Variants in IMPA1 observed in about 807,000 individuals in gnomAD.
The protein encoded by IMPA1 is inositol monophosphatase 1.
Under a neutral mutation model 34.9 loss-of-function variants are expected in IMPA1, and 21 were observed. The ratio of observed to expected loss-of-function variants is 0.60; its 90% CI spans 0.43 to 0.87. IMPA1 has a LOEUF of 0.87. Among genes scored for constraint, IMPA1 ranks in the 40% least tolerant of loss-of-function variants. IMPA1 has a pLI of 0.00. For missense variants in IMPA1, 299 were observed against 336.4 expected (o/e 0.89, Z 0.87); for synonymous variants, 95 against 104.4 (o/e 0.91, Z 0.55).
chr8:81,672,207 A>G (rs530173866), intron 6 of IMPA1, among the ~76,000 whole-genome samples: 1 of 152,244 alleles, frequency 6.6e-6, no homozygotes, highest in Admixed American at 6.5e-5. Flanking sequence ...GCTGCACTGA[A>G]AAGAATTTCA....
chr8:81,684,661 A>C (rs1431579493), intron 1 of IMPA1, among the ~76,000 whole-genome samples: 3 of 141,702 alleles, frequency 2.1e-5, no homozygotes, highest in African/African-American at 5.2e-5. Context: ...TATATATACT[A>C]CACATAAGTA....
At chr8:81,665,335 G>A (rs745427651) in intron 7 of IMPA1, among the ~76,000 whole-genome samples, 2 of 152,026 alleles carry the variant, frequency 1.3e-5, no homozygotes, top group East Asian at 1.9e-4. Flanking sequence ...CTGAACTCAG[G>A]AAAGAAATGG....
chr8:81,661,366 A>C (rs879701884), intron 7 of IMPA1, among the ~76,000 whole-genome samples: 1 of 147,734 alleles, frequency 6.8e-6, no homozygotes, highest in Non-Finnish European at 1.5e-5. Context: ...TAGCATCTTT[A>C]CAATGGTCTA....
chr8:81,684,206 T>C (rs1281594542), intron 1 of IMPA1, among the ~76,000 whole-genome samples: 1 of 146,438 alleles, frequency 6.8e-6, no homozygotes, highest in Non-Finnish European at 1.5e-5. Flanking sequence ...ATATACTATA[T>C]ATTTAGATAC....
At chr8:81,680,219 T>A (rs1036486728) in intron 3 of IMPA1, among the ~76,000 whole-genome samples, 1 of 152,098 alleles carries the variant, frequency 6.6e-6, no homozygotes, top group South Asian at 2.1e-4. Context: ...GCGTGAGCTA[T>A]GCAGATACTT....
chr8:81,680,592 A>G, intron 3 of IMPA1, 58 bp downstream of exon 3: 1 of 1,338,488 alleles, frequency 7.5e-7, no homozygotes, highest in Non-Finnish European at 1.1e-6. Context: ...TCTCATATGC[A>G]GAACCCCAAG....
intron 4 of IMPA1, 102 bp from the exon 5 acceptor site, chr8:81,676,381 T>C (rs1032031176): frequency 3.6e-6 from 2 of 548,840 alleles, no homozygotes; most frequent in Non-Finnish European, 6.1e-6. Flanking sequence ...ATTTTTCCTA[T>C]AAAAAGTCTC....
chr8:81,680,684 T>A lies in IMPA1; in HGVS notation c.163A>T (p.Ile55Phe), dbSNP rs770237093. The part of the protein sequence containing the change: ...ATDQKVEKML[I>F]SSIKEKYPSH... ...GGATACTTTTCCTTTATGGAAGAGA[T>A]AAGCATTTTTTCAACTTTTTGGTCC... The change falls in exon 3 of 9, where the codon ATC becomes TTC. Residue 55 changes from isoleucine (I) to phenylalanine (F), a missense_variant. Transcript: ENST00000256108. The A allele has an allele frequency of 6.8e-6, 11 of 1,612,520 alleles. No individual in the cohort carries two copies. The highest frequency in any genetic ancestry group is 1.3e-5 in the African/African-American group (1 of 74,898).
In IMPA1 at chr8:81,656,953, T is replaced by C. The variant is rs1806535528; in HGVS notation, c.*2398A>G. On this transcript the variant is annotated 3_prime_UTR_variant, in exon 9 of 9. Transcript: ENST00000256108. ...CATATATTTTATGTGTTCAAGTACA[T>C]ATATTTATGTATATTTATGTATGTA... Among the ~76,000 whole-genome samples the C allele has an allele frequency of 6.6e-6, 1 of 152,186 alleles. No individual in the cohort carries two copies. The highest frequency in any genetic ancestry group is 2.4e-5 in the African/African-American group (1 of 41,450).
At chr8:81,681,410 A>T in intron 2 of IMPA1, 88 bp downstream of exon 2, 3 of 796,780 alleles carry the variant, frequency 3.8e-6, no homozygotes, top group African/African-American at 3.5e-5. Context: ...AAAGAAACCA[A>T]ATCGAAACAA....
chr8:81,685,727 A>G, intron 1 of IMPA1: 6 of 1,278,656 alleles, frequency 4.7e-6, no homozygotes, highest in Non-Finnish European at 6.3e-6. Context: ...AAATCACAGT[A>G]CATTTATTGA....
intron 2 of IMPA1, 46 bp downstream of exon 2, chr8:81,681,452 C>A: frequency 9.5e-7 from 1 of 1,047,704 alleles, no homozygotes; most frequent in Non-Finnish European, 1.5e-6. Context: ...GTATACCCAC[C>A]AATCACATTA....
chr8:81,667,358 T>C (rs1214118944), intron 7 of IMPA1, among the ~76,000 whole-genome samples: 1 of 152,162 alleles, frequency 6.6e-6, no homozygotes, highest in East Asian at 1.9e-4. Flanking sequence ...TATGGTTGAA[T>C]GTTTGTCCCC....
At chr8:81,672,138 G>A (rs954300471) in intron 6 of IMPA1, among the ~76,000 whole-genome samples, 1 of 152,140 alleles carries the variant, frequency 6.6e-6, no homozygotes, top group African/African-American at 2.4e-5. Flanking sequence ...AGGGAAAAAG[G>A]TATAAAAGTC....
At chr8:81,663,869 C>G (rs1198822146) in intron 7 of IMPA1, among the ~76,000 whole-genome samples, 1 of 152,036 alleles carries the variant, frequency 6.6e-6, no homozygotes, top group Non-Finnish European at 1.5e-5. Context: ...GAAACCCCAT[C>G]TCTACTAAAA....
intron 1 of IMPA1, among the ~76,000 whole-genome samples, chr8:81,682,701 A>C (rs1807336041): frequency 6.6e-6 from 1 of 151,998 alleles, no homozygotes; most frequent in African/African-American, 2.4e-5. Flanking sequence ...CTCAAGCTGT[A>C]CCTGCTTTCC....
intron 6 of IMPA1, 76 bp downstream of exon 6, chr8:81,673,765 C>A: frequency 1.2e-6 from 1 of 814,438 alleles, no homozygotes. Context: ...TGGAGAATTC[C>A]ATAGGTGAAT....
At chr8:81,672,050 G>C (rs1285958628) in intron 6 of IMPA1, among the ~76,000 whole-genome samples, 2 of 152,154 alleles carry the variant, frequency 1.3e-5, no homozygotes, top group Non-Finnish European at 2.9e-5. Flanking sequence ...AAATAAGAAT[G>C]CATCCTCCAT....
chr8:81,680,554 C>A, intron 3 of IMPA1, 96 bp downstream of exon 3: 1 of 898,876 alleles, frequency 1.1e-6, no homozygotes, highest in Non-Finnish European at 1.7e-6. Context: ...CATGGAAGAC[C>A]TTGGCAAGAA....
Sources: allele counts gnomAD v4.1 joint callset (sites outside exome capture counted in the v4.1 genomes callset), GRCh38; gene constraint gnomAD v4.1.1; transcripts MANE v1.5; gene names NCBI Gene and HGNC (gene_info 2026-07-23, HGNC 2026-07-21).